The following DACT3 variants were observed in gnomAD, a reference collection of about 807,000 sequenced individuals.
DACT3 encodes dishevelled binding antagonist of beta catenin 3, also known as dapper homolog 3.
A neutral mutation model predicts 19.6 loss-of-function variants in DACT3; 5 were observed. That is an observed-to-expected ratio of 0.26 (90% CI 0.13 to 0.54). DACT3 has a LOEUF of 0.54. Among genes scored for constraint, DACT3 ranks in the 20% least tolerant of loss-of-function variants. The pLI, the probability that DACT3 is intolerant of heterozygous loss-of-function variation, is 0.95. For synonymous variants in DACT3, 454 were observed against 428.1 expected (o/e 1.06, Z -0.75); for missense variants, 908 against 927.4 (o/e 0.98, Z 0.27).
At chr19:46,655,041 C>A (rs2053022622) in intron 1 of DACT3, 6 of 985,386 alleles carry the variant, frequency 6.1e-6, no homozygotes, top group African/African-American at 1.7e-5. Context: ...AAAAAAAAAT[C>A]TCTCGGACCT....
At chr19:46,659,444 T>C in intron 1 of DACT3, 1 of 984,734 alleles carries the variant, frequency 1.0e-6, no homozygotes, top group Non-Finnish European at 1.2e-6. Flanking sequence ...CGCATTCTCC[T>C]TGTCAGGATG....
intron 1 of DACT3, chr19:46,659,359 A>C (rs914113691): frequency 1.7e-4 from 162 of 950,726 alleles, no homozygotes; most frequent in Non-Finnish European, 2.0e-4. Flanking sequence ...GGGAAGGTGA[A>C]GGGTGAAAAG....
chr19:46,653,193 G>C (rs1022863915), intron 1 of DACT3, 118 bp from the exon 2 acceptor site: 17 of 1,430,140 alleles, frequency 1.2e-5, no homozygotes, highest in Non-Finnish European at 1.6e-5. Context: ...TCGCTTCAAA[G>C]GATAAAAGCA....
At position 46,649,106 on chromosome 19, in the gene DACT3, C is replaced by T; in HGVS notation, c.1266G>A (p.Ser422=). The change falls in exon 4 of 4, where the codon TCG becomes TCA. Residue 422 remains serine, a synonymous_variant. Transcript: ENST00000391916. ...GCAGGCTGGTCTCAGACTGGGAGCG[C>T]GAGGCCTTGCGGGCCCTGGGCGAGC... The part of the protein sequence containing the change: ...RRGSPRARKA[S]RSQSETSLLG... The T allele has an allele frequency of 7.7e-7, 1 of 1,294,184 alleles. No homozygotes were observed. The highest frequency in any genetic ancestry group is 9.8e-7 in the Non-Finnish European group (1 of 1,022,438). The allele number at this position is 1,294,184 out of a possible 1,614,324, so 80.2% of individuals were successfully genotyped here.
In DACT3 at chr19:46,648,826, C is replaced by T. The variant is rs948326198; in HGVS notation, c.1546G>A (p.Gly516Ser). Residue 516 changes from glycine (G) to serine (S), a missense_variant, in exon 4 of 4, where the codon GGC becomes AGC. This residue lies in a region of DACT3 where 656 missense variants were observed against 601.8 expected (regional missense o/e 1.09). Coordinates refer to ENST00000391916, the MANE Select transcript of DACT3 (RefSeq NM_145056.3). The surrounding 1 kb of genome is among the most constrained non-coding windows in gnomAD (Gnocchi z 5.1). ...PSAPQRRLLY[G>S]CAGSDSECSA... ...CACTCGGAGTCGCTGCCCGCGCAGCCGTAAAGCAGACGACGCTGGGGAGCT... is the reference window on the plus strand; with the variant it reads ...CACTCGGAGTCGCTGCCCGCGCAGCTGTAAAGCAGACGACGCTGGGGAGCT... The T allele has an allele frequency of 2.6e-6, 4 of 1,512,840 alleles. No homozygotes were observed. The highest frequency in any genetic ancestry group is 2.4e-5 in the South Asian group (2 of 82,422). 93.7% of individuals were successfully genotyped at this position (1,512,840 alleles called of 1,614,324 possible).
rs1303733705 is a variant in DACT3 at position 46,660,744 on chromosome 19, T to A, written c.249+72A>T. 2.1e-6 allele frequency: 3 copies of A among 1,400,142 alleles called. No individual in the cohort carries two copies. The highest frequency in any genetic ancestry group is 2.8e-6 in the Non-Finnish European group (3 of 1,080,582). The allele number at this position is 1,400,142 out of a possible 1,614,324, so 86.7% of individuals were successfully genotyped here. ...ACCCGGGTCCCCAACCCCCGCCCGG[T>A]GTCTGAGCATCCAACCGAGACAGAC... On this transcript the variant is annotated intron_variant, in intron 1 of 3. Coordinates refer to ENST00000391916, the MANE Select transcript of DACT3 (RefSeq NM_145056.3). The surrounding 1 kb of genome is among the most constrained non-coding windows in gnomAD (Gnocchi z 4.9).
At position 46,649,246 on chromosome 19, in the gene DACT3, G is replaced by T. The variant is rs1371010987; in HGVS notation, c.1126C>A (p.Arg376Ser). 75 of 1,198,602 alleles carry T rather than the reference G, an allele frequency of 6.3e-5. No individual in the cohort carries two copies. Among genetic ancestry groups the T allele is most frequent in the Non-Finnish European group, 7.5e-5 (73 of 969,190 alleles). 74.2% of individuals were successfully genotyped at this position (1,198,602 alleles called of 1,614,324 possible). A position where few individuals can be genotyped will look rare whatever the true frequency, so the allele number is the denominator to read the frequency against. ...CGGGTCAGTGGCGGCGGTTTGCGGC[G>T]GGCGGCGCGGCCAGGGAGGCCTCGG... ...ATRGLPGRAA[R>S]RKPPPLTRGR... The change falls in exon 4 of 4, where the codon CGC becomes AGC. Residue 376 changes from arginine (R) to serine (S), a missense_variant. Arg to Ser is a moderately radical substitution (Grantham distance 110). Coordinates refer to ENST00000391916, the MANE Select transcript of DACT3 (RefSeq NM_145056.3).
At position 46,648,435 on chromosome 19, in the gene DACT3, T is replaced by C. The variant is rs368538455; in HGVS notation, c.*47A>G. On this transcript the variant is annotated 3_prime_UTR_variant, in exon 4 of 4. Transcript: ENST00000391916. The surrounding 1 kb of genome is among the most constrained non-coding windows in gnomAD (Gnocchi z 5.1). ...GTGGAAGGGTCAGTGGTTGGGAGTG[T>C]GGAGGTGCAGAGGCCATGAAGGGGG... The C allele has an allele frequency of 3.2e-5, 51 of 1,612,582 alleles. No homozygotes were observed. The African/African-American group carries it at 3.6e-4, about 11-fold the overall frequency.
chr19:46,648,928 T>C lies in DACT3; in HGVS notation c.1444A>G (p.Ile482Val). The change falls in exon 4 of 4, where the codon ATC (isoleucine) becomes GTC (valine). Residue 482 changes from isoleucine (I) to valine (V), a missense_variant. Physicochemically the swap from Ile to Val is conservative, Grantham distance 29. Around this residue, in one of 2 missense-constraint regions of DACT3, gnomAD observed 656 missense variants for 601.8 expected, o/e 1.09. Transcript: ENST00000391916. The surrounding 1 kb of genome is among the most constrained non-coding windows in gnomAD (Gnocchi z 5.1). ...ACGCGGCGCCCATCGGCAGCGTCGA[T>C]CTCCGCAGTGGAGCGCCAGCGACGG... ...SCRRWRSTAE[I>V]DAADGRRVRP... 3 of 1,359,024 alleles carry C rather than the reference T, an allele frequency of 2.2e-6. No individual in the cohort carries two copies. Among genetic ancestry groups the C allele is most frequent in the East Asian group, 3.1e-5 (1 of 32,016 alleles). 84.2% of individuals were successfully genotyped at this position (1,359,024 alleles called of 1,614,324 possible). A position where few individuals can be genotyped will look rare whatever the true frequency, so the allele number is the denominator to read the frequency against.
At chr19:46,659,133 C>T in intron 1 of DACT3, 1 of 985,032 alleles carries the variant, frequency 1.0e-6, no homozygotes, top group Non-Finnish European at 1.2e-6. Context: ...CCCAGGAACC[C>T]CCAGCACTAG....
chr19:46,656,236 G>C (rs1015472417), intron 1 of DACT3, among the ~76,000 whole-genome samples: 96 of 151,672 alleles, frequency 6.3e-4, no homozygotes, highest in African/African-American at 2.3e-3. Flanking sequence ...TTTTAGTAGA[G>C]ACAGGGTTTC....
At chr19:46,656,572 ACTC>A (rs1458684837) in intron 1 of DACT3, among the ~76,000 whole-genome samples, 1 of 150,982 alleles carries the variant, frequency 6.6e-6, no homozygotes, top group Non-Finnish European at 1.5e-5. Context: ...CTTGTCTCGA[ACTC>A]CTGGGCTTGA....
rs552110358 is a variant in DACT3 at position 46,648,772 on chromosome 19, G to A, written c.1600C>T (p.Arg534Cys). 3.2e-6 allele frequency: 5 copies of A among 1,556,614 alleles called. No individual in the cohort carries two copies. The African/African-American group carries it at 6.8e-5, about 21-fold the overall frequency. ...CSAGRLGPLG[R>C]RGPAGGVGGG... ...CCGACGCCTCCCGCAGGCCCCCGGC[G>A]TCCCAGGGGCCCCAGGCGCCCAGCC... is the stretch of plus-strand genomic sequence containing the variant. Residue 534 changes from arginine to cysteine, a missense_variant, in exon 4 of 4, where the codon CGC (arginine) becomes TGC (cysteine). Arg to Cys is a radical substitution (Grantham distance 180). Around this residue, in one of 2 missense-constraint regions of DACT3, gnomAD observed 656 missense variants for 601.8 expected, o/e 1.09. Transcript: ENST00000391916. The surrounding 1 kb of genome is among the most constrained non-coding windows in gnomAD (Gnocchi z 5.1).
intron 1 of DACT3, among the ~76,000 whole-genome samples, chr19:46,657,995 T>G (rs983081262): frequency 1.3e-5 from 2 of 151,208 alleles, no homozygotes; most frequent in Non-Finnish European, 3.0e-5. Context: ...GAGGTTGCAG[T>G]GAGCCGAGAA....
chr19:46,654,490 AAAAAAAGG>A, intron 1 of DACT3: 1 of 965,538 alleles, frequency 1.0e-6, no homozygotes, highest in Non-Finnish European at 1.2e-6. Context: ...ACAAAAAAAA[AAAAAAAGG>A]AAAAAAGAAA....
chr19:46,661,055 C>T lies in DACT3; in HGVS notation c.10G>A (p.Ala4Thr), dbSNP rs1325650702. Reference sequence around the variant, plus strand: ...TCAGGGCTCACCGGGAACGAGAAGGCCCGGATCATGGCTGCGGCCCCCCGC... The same window carrying T: ...TCAGGGCTCACCGGGAACGAGAAGGTCCGGATCATGGCTGCGGCCCCCCGC... MIR[A>T]FSFPVSPERG... The change falls in exon 1 of 4, where the codon GCC becomes ACC. Residue 4 changes from alanine to threonine, a missense_variant. By Grantham distance (58) the Ala-to-Thr change is moderately conservative (BLOSUM62 0). This residue lies in a region of DACT3 where 252 missense variants were observed against 325.6 expected (regional missense o/e 0.77). Transcript: ENST00000391916. 4 of 1,494,666 alleles carry T rather than the reference C, an allele frequency of 2.7e-6. No individual in the cohort carries two copies. The East Asian group carries it at 8.4e-5, about 31-fold the overall frequency. 92.6% of individuals were successfully genotyped at this position (1,494,666 alleles called of 1,614,324 possible).
chr19:46,648,447 G>A lies in DACT3; in HGVS notation c.*35C>T, dbSNP rs2052939508. ...GTGGTTGGGAGTGTGGAGGTGCAGA[G>A]GCCATGAAGGGGGAGCCCAAGCAAA... is the stretch of plus-strand genomic sequence containing the variant. On this transcript the variant is annotated 3_prime_UTR_variant, in exon 4 of 4. Transcript: ENST00000391916. The surrounding 1 kb of genome is among the most constrained non-coding windows in gnomAD (Gnocchi z 5.1). The A allele has an allele frequency of 6.2e-7, 1 of 1,613,632 alleles. No homozygotes were observed. Among genetic ancestry groups the A allele is most frequent in the African/African-American group, 1.3e-5 (1 of 75,018 alleles).
chr19:46,650,068 TGC>T, intron 3 of DACT3, 196 bp from the exon 4 acceptor site: 1 of 472,456 alleles, frequency 2.1e-6, no homozygotes, highest in Non-Finnish European at 3.2e-6. Context: ...TACAAGACCC[TGC>T]GTGACTTGTC....
At chr19:46,654,154 G>A (rs756547249) in intron 1 of DACT3, 8 of 985,348 alleles carry the variant, frequency 8.1e-6, no homozygotes, top group Non-Finnish European at 9.6e-6. Flanking sequence ...CCACCAGGAA[G>A]CTCCAGTGAG....
Sources: gnomAD v4.1 joint callset for allele counts (sites outside exome capture counted in the v4.1 genomes callset) on GRCh38, gnomAD v4.1.1 for gene constraint, gnomAD v4.1.1 regional missense constraint, Gnocchi (gnomAD v3.1) non-coding constraint, MANE v1.5 for transcripts, NCBI Gene and HGNC (gene_info 2026-07-23, HGNC 2026-07-21) for gene names.